Variants in NPAS3 observed in about 807,000 individuals in gnomAD.
NPAS3 encodes neuronal PAS domain protein 3, also known as neuronal PAS domain-containing protein 3.
In NPAS3, 14 loss-of-function variants were observed where a neutral mutation model predicts 73.1. That is an observed-to-expected ratio of 0.19 (90% CI 0.13 to 0.30). The LOEUF is 0.30. NPAS3 is among the 10% of genes least tolerant of loss of function. NPAS3 has a pLI of 1.00. For synonymous variants in NPAS3, 620 were observed against 541.5 expected, an observed-to-expected ratio of 1.14 and a Z score of -2.01; for missense variants, 1,096 against 1,250.0, an observed-to-expected ratio of 0.88 and a Z score of 1.86.
intron 5 of NPAS3, among the ~76,000 whole-genome samples, chr14:33,650,283 C>G (rs1567088503): frequency 6.6e-6 from 1 of 152,138 alleles, no homozygotes; most frequent in Non-Finnish European, 1.5e-5. Context: ...GGCAGATTGA[C>G]ATAGAATTAT....
In NPAS3 at chr14:33,787,404, C is replaced by G. The variant is rs913646653; in HGVS notation, c.1154-6493C>G. ...TCAATTGGCAGTGTATAGGAAAAAA[C>G]CTCCCCTGAGGTTGTAAATCACACA... is the stretch of plus-strand genomic sequence containing the variant. On this transcript the variant is annotated intron_variant, in intron 9 of 11. Coordinates refer to ENST00000356141, the Ensembl canonical transcript of NPAS3. Among the ~76,000 whole-genome samples the G allele has an allele frequency of 4.6e-5, 7 of 152,196 alleles. No individual in the cohort carries two copies. In the South Asian group the frequency reaches 1.2e-3, roughly 27 times the overall value.
intron 2 of NPAS3, among the ~76,000 whole-genome samples, chr14:33,169,784 T>TCATAAG (rs2045317964): frequency 6.6e-6 from 1 of 152,228 alleles, no homozygotes; most frequent in African/African-American, 2.4e-5. Context: ...AAATGAATAG[T>TCATAAG]CATAAGCTTT....
At chr14:33,141,494 T>G (rs2044041662) in intron 2 of NPAS3, among the ~76,000 whole-genome samples, 1 of 152,256 alleles carries the variant, frequency 6.6e-6, no homozygotes, top group African/African-American at 2.4e-5. Context: ...TAGATAATTC[T>G]ATGAATCACA....
chr14:33,080,683 C>G (rs2041837162), intron 2 of NPAS3, among the ~76,000 whole-genome samples: 1 of 152,146 alleles, frequency 6.6e-6, no homozygotes, highest in Non-Finnish European at 1.5e-5. Flanking sequence ...GAGGCAAAAC[C>G]TGGGCATCGC....
At chr14:33,717,471 C>T (rs185831451) in intron 6 of NPAS3, among the ~76,000 whole-genome samples, 113 of 152,018 alleles carry the variant, frequency 7.4e-4, no homozygotes, top group Non-Finnish European at 1.3e-3. Context: ...GCAACAACCC[C>T]GTAAACACAC....
chr14:33,642,468 A>C (rs1416847741), intron 5 of NPAS3, among the ~76,000 whole-genome samples: 5 of 152,174 alleles, frequency 3.3e-5, no homozygotes, highest in Non-Finnish European at 7.4e-5. Flanking sequence ...AGGAATGTTT[A>C]ATCTTTCTTA....
chr14:33,187,872 G>T (rs910121090), intron 2 of NPAS3, among the ~76,000 whole-genome samples: 1 of 152,068 alleles, frequency 6.6e-6, no homozygotes, highest in Non-Finnish European at 1.5e-5. Flanking sequence ...ACTTCTTCTT[G>T]TTACCTTATT....
chr14:33,126,301 TGATA>T (rs1258112848), intron 2 of NPAS3, among the ~76,000 whole-genome samples: 1 of 152,196 alleles, frequency 6.6e-6, no homozygotes, highest in African/African-American at 2.4e-5. Context: ...TTCATTCAGT[TGATA>T]GATGGTGTCT....
chr14:33,123,120 ATAAT>A (rs1462618263), intron 2 of NPAS3, among the ~76,000 whole-genome samples: 2 of 152,082 alleles, frequency 1.3e-5, no homozygotes, highest in East Asian at 1.9e-4. Flanking sequence ...ATAAATTTAG[ATAAT>A]TAAATAATAG....
intron 2 of NPAS3, among the ~76,000 whole-genome samples, chr14:33,163,176 C>T (rs1296293419): frequency 6.6e-6 from 1 of 152,214 alleles, no homozygotes; most frequent in Non-Finnish European, 1.5e-5. Context: ...TGAAGCTTCA[C>T]ACAGCCAATT....
chr14:33,749,866 G>A (rs2061908579), intron 7 of NPAS3, among the ~76,000 whole-genome samples: 1 of 152,158 alleles, frequency 6.6e-6, no homozygotes, highest in Non-Finnish European at 1.5e-5. Context: ...AGCCTAGAGA[G>A]GCCATTGTCC....
chr14:33,094,712 T>A (rs2042347927), intron 2 of NPAS3, among the ~76,000 whole-genome samples: 1 of 152,152 alleles, frequency 6.6e-6, no homozygotes, highest in African/African-American at 2.4e-5. Context: ...GTGCTCCACC[T>A]GCCTTGGCCT....
intron 1 of NPAS3, among the ~76,000 whole-genome samples, chr14:32,940,358 C>A (rs1324580990): frequency 2.6e-5 from 4 of 152,168 alleles, no homozygotes; most frequent in Non-Finnish European, 5.9e-5. Flanking sequence ...ACTCAGCACC[C>A]CCTCCCCATC....
chr14:32,940,556 C>T (rs1366019908), intron 1 of NPAS3, among the ~76,000 whole-genome samples: 2 of 152,336 alleles, frequency 1.3e-5, no homozygotes, highest in African/African-American at 4.8e-5. Flanking sequence ...CCCACTGATT[C>T]ATGAGGAAAA....
intron 1 of NPAS3, among the ~76,000 whole-genome samples, chr14:32,967,791 T>TA (rs11366213): frequency 2.0e-5 from 3 of 150,110 alleles, no homozygotes; most frequent in Non-Finnish European, 4.4e-5. Context: ...TCCTAAAAAA[T>TA]AAAAAACGGT....
chr14:33,357,289 ATT>A (rs1424146667), intron 3 of NPAS3, among the ~76,000 whole-genome samples: 1 of 152,224 alleles, frequency 6.6e-6, no homozygotes, highest in Admixed American at 6.5e-5. Context: ...ACCAATGCCA[ATT>A]ACTGCTGGAA....
intron 1 of NPAS3, among the ~76,000 whole-genome samples, chr14:33,012,258 G>A (rs1243498317): frequency 1.3e-5 from 2 of 152,130 alleles, no homozygotes; most frequent in South Asian, 4.1e-4. Context: ...CAAGTGGTAG[G>A]GGTGTAGAGT....
chr14:33,670,604 A>C (rs75514082), intron 5 of NPAS3, among the ~76,000 whole-genome samples: 17,089 of 138,494 alleles, frequency 0.12, 1,088 homozygotes, highest in South Asian at 0.25. Context: ...TCCTTCAATA[A>C]TATAAATGTG....
At chr14:33,596,348 G>T (rs1412442425) in intron 5 of NPAS3, among the ~76,000 whole-genome samples, 1 of 152,200 alleles carries the variant, frequency 6.6e-6, no homozygotes, top group Non-Finnish European at 1.5e-5. Context: ...CCTTATTTAT[G>T]CTGTGGCTAC....
Sources: gnomAD v4.1 joint callset for allele counts (sites outside exome capture counted in the v4.1 genomes callset) on GRCh38, gnomAD v4.1.1 for gene constraint, MANE v1.5 for transcripts, NCBI Gene and HGNC (gene_info 2026-07-23, HGNC 2026-07-21) for gene names.